Variants in TENM1 observed in about 807,000 individuals in gnomAD.
TENM1 encodes teneurin transmembrane protein 1, also known as teneurin-1.
Under a neutral mutation model 174.8 loss-of-function variants are expected in TENM1, and 35 were observed. The observed-to-expected ratio is 0.20, with a 90% CI of 0.15 to 0.27. TENM1 has a LOEUF of 0.27. TENM1 is among the 10% of genes least tolerant of loss of function. The pLI is 1.00. For missense variants in TENM1, 1,633 were observed against 2,130.1 expected (o/e 0.77, Z 4.59); for synonymous variants, 781 against 798.7 (o/e 0.98, Z 0.37).
intron 11 of TENM1, among the ~76,000 whole-genome samples, 194 bp from the exon 15 acceptor site, chrX:124,565,754 T>G (rs756504178): frequency 9.0e-6 from 1 of 111,591 alleles, no homozygotes; most frequent in African/African-American, 3.3e-5. Flanking sequence ...TCCTCCCATC[T>G]TGGCTTCCCA....
the TENM1 span, among the ~76,000 whole-genome samples, chrX:125,019,971 T>C: frequency 9.0e-6 from 1 of 111,156 alleles, no homozygotes; most frequent in South Asian, 3.8e-4. Context: ...CATAATGAAA[T>C]AGTCTCTAGG....
chrX:124,598,058 A>G (rs2049942246), intron 11 of TENM1, among the ~76,000 whole-genome samples: 1 of 111,779 alleles, frequency 8.9e-6, no homozygotes. Flanking sequence ...ATCTGATCAA[A>G]AGATGGGCAA....
In TENM1 at chrX:124,645,607, T is replaced by C. The variant is rs186679820; in HGVS notation, c.1682-270A>G. On this transcript the variant is annotated intron_variant, in intron 9 of 31. Coordinates refer to ENST00000422452, the Ensembl canonical transcript of TENM1. The stretch of plus-strand genomic sequence containing the variant: ...CTCTTAAACTGTTATTGTTATTATT[T>C]TAAGCTAGGATTTTTCTTTCTTATA... Among the ~76,000 whole-genome samples, 16 of 112,270 alleles carry C rather than the reference T, an allele frequency of 1.4e-4. No individual in the cohort carries two copies. In the Admixed American group the frequency reaches 1.5e-3, roughly 11 times the overall value.
chrX:124,757,399 C>T (rs764441080), intron 3 of TENM1, among the ~76,000 whole-genome samples: 1 of 112,594 alleles, frequency 8.9e-6, no homozygotes, highest in African/African-American at 3.2e-5. Flanking sequence ...CGTCTATCAC[C>T]CCTTTCTTTG....
chrX:124,696,247 C>A (rs1168333879), intron 5 of TENM1, among the ~76,000 whole-genome samples: 1 of 111,708 alleles, frequency 9.0e-6, no homozygotes, highest in South Asian at 3.7e-4. Context: ...CCAAATAGTT[C>A]AAGTAGGTTC....
At chrX:124,388,193 C>T (rs2060244688) in intron 28 of TENM1, among the ~76,000 whole-genome samples, 1 of 111,533 alleles carries the variant, frequency 9.0e-6, no homozygotes, top group Admixed American at 9.5e-5. Context: ...ATATGGCCCC[C>T]ACACATTATC....
At chrX:124,481,875 T>G in exon 22 of TENM1, 1 of 1,206,929 alleles carries the variant, frequency 8.3e-7, no homozygotes. Context: ...AGATTTCAAC[T>G]TGTAGACTTT....
intron 11 of TENM1, among the ~76,000 whole-genome samples, chrX:124,616,797 G>T: frequency 8.9e-6 from 1 of 111,752 alleles, no homozygotes; most frequent in African/African-American, 3.2e-5. Context: ...ATCAGTGGAA[G>T]ACCTTACATA....
At chrX:124,914,723 A>G (rs2057893618) in intron 1 of TENM1, among the ~76,000 whole-genome samples, 1 of 110,973 alleles carries the variant, frequency 9.0e-6, no homozygotes, top group South Asian at 3.8e-4. Context: ...CCATTTTCAC[A>G]TTCAATAATC....
intron 3 of TENM1, among the ~76,000 whole-genome samples, chrX:124,881,458 T>A (rs2057300749): frequency 9.0e-6 from 1 of 111,287 alleles, no homozygotes; most frequent in Admixed American, 9.6e-5. Context: ...TTTGTTTATC[T>A]GCTGAACCTA....
the TENM1 span, among the ~76,000 whole-genome samples, chrX:125,164,325 T>C: frequency 9.0e-6 from 1 of 111,594 alleles, no homozygotes; most frequent in Non-Finnish European, 1.9e-5. Flanking sequence ...GGAACATACC[T>C]GCTTAAAATT....
chrX:124,852,534 G>A (rs1293506126), intron 3 of TENM1, among the ~76,000 whole-genome samples: 1 of 111,054 alleles, frequency 9.0e-6, no homozygotes, highest in Non-Finnish European at 1.9e-5. Context: ...CTGAGTAGAT[G>A]TTGATGCCAT....
chrX:124,929,189 C>G (rs749433766), intron 1 of TENM1, among the ~76,000 whole-genome samples: 1 of 111,801 alleles, frequency 8.9e-6, no homozygotes, highest in South Asian at 3.7e-4. Flanking sequence ...CTCTCCCAAT[C>G]TAGTGCTCTA....
the TENM1 span, among the ~76,000 whole-genome samples, chrX:125,142,875 T>C: frequency 1.8e-5 from 2 of 111,859 alleles, no homozygotes; most frequent in Non-Finnish European, 3.8e-5. Context: ...CCTTTGGAAA[T>C]AAGATGTAGG....
intron 5 of TENM1, among the ~76,000 whole-genome samples, chrX:124,687,329 G>A (rs889766418): frequency 1.3e-4 from 15 of 111,442 alleles, no homozygotes; most frequent in Admixed American, 1.2e-3. Flanking sequence ...ACAAGCAATG[G>A]GGAAAGGATT....
chrX:124,542,855 C>T (rs1371108958), intron 15 of TENM1, among the ~76,000 whole-genome samples: 1 of 111,468 alleles, frequency 9.0e-6, no homozygotes, highest in African/African-American at 3.3e-5. Flanking sequence ...AAATATTGTT[C>T]CATTAATGTG....
intron 11 of TENM1, among the ~76,000 whole-genome samples, chrX:124,586,218 G>A (rs939930433): frequency 1.3e-4 from 14 of 110,840 alleles, no homozygotes; most frequent in African/African-American, 3.6e-4. Context: ...ACCAAAGCCG[G>A]GCAGACACAC....
At chrX:124,737,092 T>A (rs960134980) in exon 4 of TENM1, 1 of 1,209,718 alleles carries the variant, frequency 8.3e-7, no homozygotes, top group African/African-American at 1.7e-5. Context: ...CTGAAGAGAG[T>A]CCGCTGCAGG....
the TENM1 span, among the ~76,000 whole-genome samples, chrX:125,025,442 G>A: frequency 9.0e-6 from 1 of 111,642 alleles, no homozygotes; most frequent in Admixed American, 9.6e-5. Flanking sequence ...AAAAAATATA[G>A]CTCGGTTCAA....
Sources: gnomAD v4.1 joint callset for allele counts (sites outside exome capture counted in the v4.1 genomes callset) on GRCh38, gnomAD v4.1.1 for gene constraint, MANE v1.5 for transcripts, NCBI Gene and HGNC (gene_info 2026-07-23, HGNC 2026-07-21) for gene names.